The following STK32C variants were observed in gnomAD, a reference collection of about 807,000 sequenced individuals.
The protein encoded by STK32C is serine/threonine kinase 32C.
STK32C carries 31 observed loss-of-function variants against 56.5 expected under a neutral mutation model. The observed-to-expected ratio is 0.55, with a 90% CI of 0.41 to 0.74. The LOEUF is 0.74. Ranked by LOEUF, STK32C falls within the 30% of genes least tolerant of loss-of-function variation. The probability of loss-of-function intolerance (pLI) is 0.00; values close to 1 mark genes in which losing one functional copy is unlikely to be tolerated. For synonymous variants in STK32C, 309 were observed against 289.4 expected (o/e 1.07, Z -0.69); for missense variants, 544 against 676.9 (o/e 0.80, Z 2.18).
In STK32C at chr10:132,215,592, C is replaced by T. The variant is rs567747434; in HGVS notation, c.1252-6491G>A. ...CGCCATGATTGTGAGGCCTCCCCAG[C>T]CATGTGGAACTGTAAGTCCATTAAA... On this transcript the variant is annotated intron_variant, in intron 10 of 11. Coordinates refer to ENST00000298630, the MANE Select transcript of STK32C (RefSeq NM_173575.4). Among the ~76,000 whole-genome samples, 19 of 152,246 alleles carry T rather than the reference C, an allele frequency of 1.2e-4. No homozygotes were observed. The East Asian group carries it at 3.1e-3, about 25-fold the overall frequency.
intron 2 of STK32C, among the ~76,000 whole-genome samples, chr10:132,238,481 A>AAAAGCG (rs1565095562): frequency 2.0e-5 from 3 of 152,272 alleles, no homozygotes; most frequent in African/African-American, 7.2e-5. Flanking sequence ...CGGGAAAAGC[A>AAAAGCG]GGGAAAGGCG....
At chr10:132,250,389 G>A (rs10870278) in intron 1 of STK32C, among the ~76,000 whole-genome samples, 6,893 of 47,792 alleles carry the variant, frequency 0.14, 608 homozygotes, top group Non-Finnish European at 0.2. Context: ...TGAGGCGCAC[G>A]GGACAGGTCA....
intron 1 of STK32C, among the ~76,000 whole-genome samples, chr10:132,302,599 G>C (rs1564792165): frequency 6.6e-6 from 1 of 152,206 alleles, no homozygotes; most frequent in Non-Finnish European, 1.5e-5. Flanking sequence ...TGACCACCAA[G>C]CGCCTGCACT....
At position 132,207,679 on chromosome 10, in the gene STK32C, A is replaced by G; in HGVS notation, c.*331T>C. ...GGTCACCTTGTGACGAGGGCCGTGCACAGCCTCCGGGCTGAGCAGGGACAA... is the reference window on the plus strand; with the variant it reads ...GGTCACCTTGTGACGAGGGCCGTGCGCAGCCTCCGGGCTGAGCAGGGACAA... On this transcript the variant is annotated 3_prime_UTR_variant, in exon 12 of 12. Coordinates refer to ENST00000298630, the MANE Select transcript of STK32C (RefSeq NM_173575.4). 4.1e-6 allele frequency: 1 copy of G among 242,996 alleles called. No individual in the cohort carries two copies. Among genetic ancestry groups the G allele is most frequent in the African/African-American group, 2.2e-5 (1 of 44,912 alleles). 15.1% of individuals were successfully genotyped at this position (242,996 alleles called of 1,614,324 possible). A position where few individuals can be genotyped will look rare whatever the true frequency, so the allele number is the denominator to read the frequency against.
At chr10:132,211,371 T>C (rs1033250331) in intron 10 of STK32C, among the ~76,000 whole-genome samples, 3 of 152,194 alleles carry the variant, frequency 2.0e-5, no homozygotes, top group Non-Finnish European at 2.9e-5. Flanking sequence ...GCGCCCGTCG[T>C]GGCCCTGTGT....
chr10:132,246,807 G>A (rs564750555), intron 1 of STK32C, among the ~76,000 whole-genome samples: 4 of 152,096 alleles, frequency 2.6e-5, no homozygotes, highest in South Asian at 2.1e-4. Flanking sequence ...CCTCCAGGAC[G>A]AGCCCCTCCA....
intron 1 of STK32C, among the ~76,000 whole-genome samples, chr10:132,281,848 G>A (rs116883059): frequency 1.8e-3 from 280 of 152,334 alleles, no homozygotes; most frequent in Non-Finnish European, 3.3e-3. Flanking sequence ...TGCTGAGGCC[G>A]CGGGGCAACT....
In STK32C at chr10:132,331,758, T is replaced by C. The variant is rs766991458; in HGVS notation, c.-22A>G. 4 of 1,610,926 alleles carry C rather than the reference T, an allele frequency of 2.5e-6. No individual in the cohort carries two copies. The East Asian group carries it at 8.9e-5, about 36-fold the overall frequency. ...GCATCCCGCTCTCTTCCTTCCCCTCTGTGCCAGGCCGGTCGCCCCTCCAGA... is the reference window on the plus strand; with the variant it reads ...GCATCCCGCTCTCTTCCTTCCCCTCCGTGCCAGGCCGGTCGCCCCTCCAGA... On this transcript the variant is annotated 5_prime_UTR_variant, in exon 1 of 2. Coordinates refer to the STK32C transcript ENST00000368619.
chr10:132,255,256 C>T lies in STK32C; in HGVS notation c.263-9301G>A, dbSNP rs1327557884. ...GTGCAGCCTCTGGGGATGTCTGGCC[C>T]ACACGGGGCTCCTGACTTAGGAAAT... On this transcript the variant is annotated intron_variant, in intron 1 of 11. Transcript: ENST00000298630. This position sits in a 1 kb window ranked among gnomAD's most constrained non-coding sequence, Gnocchi z 4.6. Among the ~76,000 whole-genome samples, 1 of 152,162 alleles carries T rather than the reference C, an allele frequency of 6.6e-6. No individual in the cohort carries two copies. The highest frequency in any genetic ancestry group is 1.5e-5 in the Non-Finnish European group (1 of 68,032).
intron 10 of STK32C, 120 bp downstream of exon 10, chr10:132,222,521 C>T (rs913043011): frequency 4.0e-5 from 52 of 1,297,122 alleles, no homozygotes; most frequent in Non-Finnish European, 4.8e-5. Context: ...CTTCAGGAAA[C>T]GGTCTGCTGG....
At chr10:132,247,344 C>G (rs1223091671) in intron 1 of STK32C, among the ~76,000 whole-genome samples, 2 of 152,180 alleles carry the variant, frequency 1.3e-5, no homozygotes, top group South Asian at 2.1e-4. Context: ...CAGGATAGCC[C>G]CAGGTTTCAG....
intron 8 of STK32C, among the ~76,000 whole-genome samples, 169 bp downstream of exon 8, chr10:132,224,238 G>A (rs1241316878): frequency 6.6e-6 from 1 of 152,166 alleles, no homozygotes; most frequent in East Asian, 1.9e-4. Flanking sequence ...TCGCTTCCTG[G>A]GGCTTGGGGC....
chr10:132,235,338 T>C (rs186468128), intron 2 of STK32C, among the ~76,000 whole-genome samples: 1 of 151,374 alleles, frequency 6.6e-6, no homozygotes, highest in East Asian at 1.9e-4. Context: ...TCTACTAAAA[T>C]ACAAAAAATT....
intron 2 of STK32C, among the ~76,000 whole-genome samples, chr10:132,233,067 GAGA>G (rs1017692251): frequency 2.0e-5 from 3 of 152,160 alleles, no homozygotes; most frequent in Non-Finnish European, 4.4e-5. Context: ...GTGTCCCAAG[GAGA>G]AGTAGAGCCT....
chr10:132,277,125 G>T (rs946345791), intron 1 of STK32C, among the ~76,000 whole-genome samples: 1 of 152,272 alleles, frequency 6.6e-6, no homozygotes, highest in African/African-American at 2.4e-5. Flanking sequence ...ATAAGAGTCA[G>T]AAGAGCCGAG....
intron 1 of STK32C, among the ~76,000 whole-genome samples, chr10:132,261,718 T>G (rs905040862): frequency 1.3e-5 from 2 of 152,082 alleles, no homozygotes; most frequent in Admixed American, 6.6e-5. Flanking sequence ...TGAGCCAAGA[T>G]TGCACCACTG....
At chr10:132,218,329 T>A (rs1590149121) in intron 10 of STK32C, among the ~76,000 whole-genome samples, 1 of 151,480 alleles carries the variant, frequency 6.6e-6, no homozygotes, top group Non-Finnish European at 1.5e-5. Context: ...TAAAAAAAAA[T>A]AAAGTAAAAT....
At chr10:132,262,479 C>G (rs1374024195) in intron 1 of STK32C, among the ~76,000 whole-genome samples, 1 of 152,072 alleles carries the variant, frequency 6.6e-6, no homozygotes, top group Non-Finnish European at 1.5e-5. Flanking sequence ...GCAAGAGAAA[C>G]CATCAACAGA....
At chr10:132,240,055 G>A (rs932631680) in intron 2 of STK32C, among the ~76,000 whole-genome samples, 1 of 152,194 alleles carries the variant, frequency 6.6e-6, no homozygotes, top group Non-Finnish European at 1.5e-5. Flanking sequence ...CATCCTGGTG[G>A]CCTGGAGAGC....
Sources: gnomAD v4.1 joint callset for allele counts (sites outside exome capture counted in the v4.1 genomes callset) on GRCh38, gnomAD v4.1.1 for gene constraint, Gnocchi (gnomAD v3.1) non-coding constraint, MANE v1.5 for transcripts, NCBI Gene and HGNC (gene_info 2026-07-23, HGNC 2026-07-21) for gene names.